KAZN: variants seen among roughly 807,000 people sequenced by gnomAD.
KAZN encodes kazrin.
KAZN carries 40 observed loss-of-function variants against 87.4 expected under a neutral mutation model. The ratio of observed to expected loss-of-function variants is 0.46; its 90% CI spans 0.36 to 0.60. The LOEUF (loss-of-function observed/expected upper bound fraction) is 0.60, where lower values mean the gene tolerates loss of function less well. Ranked by LOEUF, KAZN falls within the 20% of genes least tolerant of loss-of-function variation. KAZN has a pLI of 0.00. For synonymous variants in KAZN, 466 were observed against 458.3 expected (o/e 1.02, Z -0.22); for missense variants, 898 against 1,073.9 (o/e 0.84, Z 2.29).
At chr1:14,920,240 GGAC>G (rs1451086769) in intron 1 of KAZN, among the ~76,000 whole-genome samples, 2 of 150,508 alleles carry the variant, frequency 1.3e-5, no homozygotes, top group African/African-American at 4.9e-5. Context: ...GCTCTGGATG[GGAC>G]CTGCACTTTT....
chr1:14,989,354 A>T (rs1667134808), intron 2 of KAZN, among the ~76,000 whole-genome samples: 1 of 152,168 alleles, frequency 6.6e-6, no homozygotes, highest in Admixed American at 6.5e-5. Context: ...TGCACACCTG[A>T]AATCCCAGCT....
intron 1 of KAZN, among the ~76,000 whole-genome samples, chr1:13,945,516 T>G (rs982049580): frequency 6.9e-6 from 1 of 144,220 alleles, no homozygotes; most frequent in African/African-American, 2.6e-5. Flanking sequence ...AATGTGAGAC[T>G]CCATCTCAAA....
chr1:13,964,392 T>A (rs2101032659), intron 1 of KAZN, among the ~76,000 whole-genome samples: 1 of 152,350 alleles, frequency 6.6e-6, no homozygotes, highest in South Asian at 2.1e-4. Flanking sequence ...TAACAAATAG[T>A]CACACAACCT....
At chr1:14,386,703 C>CCCAA in intron 2 of KAZN, among the ~76,000 whole-genome samples, 1 of 152,230 alleles carries the variant, frequency 6.6e-6, no homozygotes, top group South Asian at 2.1e-4. Context: ...TGATGGGCTT[C>CCCAA]CCTTTGAGGG....
At chr1:13,916,248 T>C (rs1023606083) in intron 1 of KAZN, among the ~76,000 whole-genome samples, 3 of 152,042 alleles carry the variant, frequency 2.0e-5, no homozygotes, top group African/African-American at 7.2e-5. Context: ...GTGAGGGATA[T>C]CTCCCCAGAG....
intron 2 of KAZN, among the ~76,000 whole-genome samples, chr1:14,394,452 T>A (rs1358518525): frequency 6.6e-6 from 1 of 152,252 alleles, no homozygotes; most frequent in Admixed American, 6.5e-5. Flanking sequence ...AAAGCTTTTT[T>A]AAATATAAAT....
chr1:14,042,324 G>A (rs1318402962), intron 1 of KAZN, among the ~76,000 whole-genome samples: 1 of 152,106 alleles, frequency 6.6e-6, no homozygotes, highest in Non-Finnish European at 1.5e-5. Flanking sequence ...GGAGAGGGAA[G>A]TCACTTCCTA....
chr1:14,170,780 G>A (rs1248103658), intron 1 of KAZN, among the ~76,000 whole-genome samples: 2 of 151,984 alleles, frequency 1.3e-5, no homozygotes, highest in African/African-American at 4.8e-5. Flanking sequence ...ACAGTGCAAT[G>A]GCACAATCTC....
intron 1 of KAZN, among the ~76,000 whole-genome samples, chr1:14,100,005 T>C (rs1253618959): frequency 6.6e-6 from 1 of 152,136 alleles, no homozygotes; most frequent in Non-Finnish European, 1.5e-5. Context: ...TGGAGATGGA[T>C]CTGAAAGGCA....
At chr1:15,052,375 C>T (rs901663364) in intron 4 of KAZN, among the ~76,000 whole-genome samples, 1 of 152,144 alleles carries the variant, frequency 6.6e-6, no homozygotes, top group Non-Finnish European at 1.5e-5. Flanking sequence ...ACCGTCAGAT[C>T]TCAGGAGACT....
intron 2 of KAZN, among the ~76,000 whole-genome samples, chr1:14,422,512 T>C (rs1665490914): frequency 6.6e-6 from 1 of 152,210 alleles, no homozygotes; most frequent in South Asian, 2.1e-4. Context: ...CAGTCATTTG[T>C]ATTTTATTTC....
intron 1 of KAZN, among the ~76,000 whole-genome samples, chr1:14,137,606 A>T (rs1286683536): frequency 6.6e-6 from 1 of 151,674 alleles, no homozygotes; most frequent in Non-Finnish European, 1.5e-5. Context: ...AATAATATTC[A>T]TTTCAGGGGA....
chr1:15,087,594 C>T (rs1640321859), intron 8 of KAZN, among the ~76,000 whole-genome samples: 1 of 152,118 alleles, frequency 6.6e-6, no homozygotes, highest in African/African-American at 2.4e-5. Context: ...GGGGTTTCAC[C>T]ATGTCGGCCA....
chr1:14,503,994 C>G (rs1267906514), intron 2 of KAZN, among the ~76,000 whole-genome samples: 2 of 152,058 alleles, frequency 1.3e-5, no homozygotes, highest in African/African-American at 2.4e-5. Flanking sequence ...TTTAAGGAAG[C>G]CCTCACTCTC....
chr1:14,554,428 G>A (rs1012741738), intron 2 of KAZN, among the ~76,000 whole-genome samples: 1 of 152,132 alleles, frequency 6.6e-6, no homozygotes, highest in Admixed American at 6.6e-5. Context: ...CCCCCTGATG[G>A]ACGGACCCAT....
At chr1:14,541,468 A>G (rs941810559) in intron 2 of KAZN, among the ~76,000 whole-genome samples, 3 of 152,198 alleles carry the variant, frequency 2.0e-5, no homozygotes, top group Non-Finnish European at 4.4e-5. Flanking sequence ...TTGAGCTTGC[A>G]TTTTCCAGAG....
rs2100586560 is a variant in KAZN, at chr1:14,769,999, C to T, written c.226+170776C>T. On this transcript the variant is annotated intron_variant, in intron 1 of 14. Coordinates refer to ENST00000376030, the MANE Select transcript of KAZN (RefSeq NM_201628.3). The surrounding 1 kb of genome is among the most constrained non-coding windows in gnomAD (Gnocchi z 4.1). ...TTGAGCAGGGATAAAGCCAAGTGAA[C>T]AGTGGGAGCAGGATGTGCAAAGGTC... 6.6e-6 allele frequency among the ~76,000 whole-genome samples: 1 copy of T among 152,230 alleles called. No individual in the cohort carries two copies. Among genetic ancestry groups the T allele is most frequent in the African/African-American group, 2.4e-5 (1 of 41,526 alleles).
intron 4 of KAZN, among the ~76,000 whole-genome samples, chr1:15,054,990 G>A (rs1307290708): frequency 1.1e-4 from 17 of 152,252 alleles, no homozygotes; most frequent in Admixed American, 9.2e-4. Context: ...TAGGCTGATC[G>A]TGCACCTGCC....
chr1:14,252,559 T>C (rs994523714), intron 2 of KAZN, among the ~76,000 whole-genome samples: 1 of 152,204 alleles, frequency 6.6e-6, no homozygotes, highest in Non-Finnish European at 1.5e-5. Context: ...AGGCAACTCA[T>C]GCTCTTCCTT....
Sources: gnomAD v4.1 joint callset for allele counts (sites outside exome capture counted in the v4.1 genomes callset) on GRCh38, gnomAD v4.1.1 for gene constraint, Gnocchi (gnomAD v3.1) non-coding constraint, MANE v1.5 for transcripts, NCBI Gene and HGNC (gene_info 2026-07-23, HGNC 2026-07-21) for gene names.